The following SH3GL3 variants were observed in gnomAD, a reference collection of about 807,000 sequenced individuals.
SH3GL3 encodes SH3 domain containing GRB2 like 3, endophilin A3.
SH3GL3 carries 33 observed loss-of-function variants against 47.7 expected under a neutral mutation model. The ratio of observed to expected loss-of-function variants is 0.69; its 90% CI spans 0.52 to 0.92. The LOEUF is 0.92. Ranked by LOEUF, SH3GL3 falls within the 40% of genes least tolerant of loss-of-function variation. The probability of loss-of-function intolerance (pLI) is 0.00; values close to 1 mark genes in which losing one functional copy is unlikely to be tolerated. For missense variants in SH3GL3, 363 were observed against 417.8 expected (o/e 0.87, Z 1.14); for synonymous variants, 155 against 148.8 (o/e 1.04, Z -0.30).
At chr15:83,476,223 T>A (rs2041089562) in intron 1 of SH3GL3, among the ~76,000 whole-genome samples, 2 of 152,202 alleles carry the variant, frequency 1.3e-5, no homozygotes, top group Admixed American at 6.5e-5. Flanking sequence ...CTGAAGTTTA[T>A]ACAGTTGGAA....
rs777243734 is a variant in SH3GL3, at chr15:83,565,191, C to A, written c.172C>A (p.Leu58Ile). 1.9e-6 allele frequency: 3 copies of A among 1,576,932 alleles called. No homozygotes were observed. The highest frequency in any genetic ancestry group is 2.6e-6 in the Non-Finnish European group (3 of 1,149,090). ...AATTCTTTCAAAAACCACTGAATAT[C>A]TTCAGCCAAATCCAGGTAAAGTTGA... ...AEILSKTTEY[L>I]QPNPAYRAKL... The change falls in exon 3 of 9, where the codon CTT (leucine) becomes ATT (isoleucine). Residue 58 changes from leucine to isoleucine, a missense_variant. Transcript: ENST00000427482.
chr15:83,528,083 A>C, intron 1 of SH3GL3, among the ~76,000 whole-genome samples: 1 of 152,136 alleles, frequency 6.6e-6, no homozygotes, highest in East Asian at 1.9e-4. Context: ...TTTGGCTGTC[A>C]GCTTTTTTCT....
chr15:83,628,360 A>G, the SH3GL3 span, among the ~76,000 whole-genome samples: 1 of 152,268 alleles, frequency 6.6e-6, no homozygotes, highest in South Asian at 2.1e-4. Context: ...AAAAAGGACT[A>G]TATATAAGAC....
intron 4 of SH3GL3, among the ~76,000 whole-genome samples, chr15:83,569,437 A>G (rs1264294371): frequency 6.6e-6 from 1 of 152,246 alleles, no homozygotes; most frequent in Non-Finnish European, 1.5e-5. Context: ...AACATTTTAC[A>G]TAGCATTTAC....
intron 5 of SH3GL3, among the ~76,000 whole-genome samples, chr15:83,575,870 T>C (rs1415641538): frequency 2.0e-5 from 3 of 152,088 alleles, no homozygotes; most frequent in Non-Finnish European, 2.9e-5. Context: ...TGTATAGCTA[T>C]CCCACTCAGC....
downstream of SH3GL3, among the ~76,000 whole-genome samples, chr15:83,620,795 T>C (rs959757719): frequency 3.3e-5 from 5 of 152,364 alleles, no homozygotes; most frequent in Non-Finnish European, 5.9e-5. Flanking sequence ...CTTTGAAGCA[T>C]TGAAGCCAGA....
chr15:83,535,194 G>A (rs939203143), intron 1 of SH3GL3, among the ~76,000 whole-genome samples: 4 of 151,408 alleles, frequency 2.6e-5, no homozygotes, highest in Admixed American at 6.6e-5. Context: ...AAAAACTCAG[G>A]TATATTATTT....
intron 7 of SH3GL3, among the ~76,000 whole-genome samples, chr15:83,587,572 C>G (rs569236927): frequency 2.8e-5 from 4 of 144,270 alleles, no homozygotes; most frequent in African/African-American, 1.0e-4. Flanking sequence ...TTCACCAGTA[C>G]GAATTTCAGG....
At chr15:83,566,346 C>CAGAGAGAGAGAG (rs147698292) in intron 3 of SH3GL3, among the ~76,000 whole-genome samples, 1 of 134,290 alleles carries the variant, frequency 7.4e-6, no homozygotes, top group African/African-American at 2.8e-5. Flanking sequence ...GAAAGATGGG[C>CAGAGAGAGAGAG]AGAGAGAGAG....
At chr15:83,563,548 A>G (rs1312722206) in intron 2 of SH3GL3, among the ~76,000 whole-genome samples, 1 of 152,200 alleles carries the variant, frequency 6.6e-6, no homozygotes, top group East Asian at 1.9e-4. Flanking sequence ...AAATGTTTTT[A>G]TCAATCTGGA....
intron 8 of SH3GL3, among the ~76,000 whole-genome samples, chr15:83,613,116 G>A (rs953360119): frequency 2.0e-5 from 3 of 152,188 alleles, no homozygotes; most frequent in Non-Finnish European, 4.4e-5. Context: ...AATATCGTCC[G>A]GCTGCATGTA....
chr15:83,591,962 CA>C (rs753499862), intron 8 of SH3GL3, among the ~76,000 whole-genome samples: 60 of 152,154 alleles, frequency 3.9e-4, no homozygotes, highest in Non-Finnish European at 7.6e-4. Flanking sequence ...TGTGAGCCAC[CA>C]GGCCGGGCCA....
chr15:83,504,386 C>A (rs1056530034), intron 1 of SH3GL3, among the ~76,000 whole-genome samples: 1 of 152,210 alleles, frequency 6.6e-6, no homozygotes, highest in Non-Finnish European at 1.5e-5. Context: ...TCCTTCTGGT[C>A]TTCATACCCA....
At chr15:83,573,464 C>T (rs985770894) in intron 5 of SH3GL3, among the ~76,000 whole-genome samples, 4 of 152,246 alleles carry the variant, frequency 2.6e-5, no homozygotes. Context: ...CATCCCTTAT[C>T]TCCTGAATCA....
intron 1 of SH3GL3, among the ~76,000 whole-genome samples, chr15:83,538,949 A>G (rs1394236775): frequency 1.3e-5 from 2 of 152,192 alleles, no homozygotes; most frequent in Non-Finnish European, 2.9e-5. Context: ...TTTATAAAAT[A>G]GTTGCACCAA....
At chr15:83,627,049 A>G in the SH3GL3 span, among the ~76,000 whole-genome samples, 1 of 152,176 alleles carries the variant, frequency 6.6e-6, no homozygotes, top group Admixed American at 6.5e-5. Context: ...ATCAGTCCTG[A>G]AGATGCAGAT....
intron 1 of SH3GL3, chr15:83,490,834 A>G (rs769818551): frequency 1.9e-6 from 3 of 1,614,188 alleles, no homozygotes; most frequent in Non-Finnish European, 2.5e-6. Context: ...AGATGAATGA[A>G]TGGATGGAAT....
chr15:83,565,038 G>A (rs2045467620), intron 2 of SH3GL3, 96 bp from the exon 3 acceptor site: 6 of 579,422 alleles, frequency 1.0e-5, no homozygotes, highest in Non-Finnish European at 1.8e-5. Context: ...AATCGTGTTA[G>A]AAGAATTAAA....
At chr15:83,612,143 C>T (rs563841235) in intron 8 of SH3GL3, among the ~76,000 whole-genome samples, 12 of 152,270 alleles carry the variant, frequency 7.9e-5, no homozygotes, top group East Asian at 1.9e-4. Context: ...ATGACTTAGG[C>T]GATTCCAGAT....
Sources: allele counts gnomAD v4.1 joint callset (sites outside exome capture counted in the v4.1 genomes callset), GRCh38; gene constraint gnomAD v4.1.1; transcripts MANE v1.5; gene names NCBI Gene and HGNC (gene_info 2026-07-23, HGNC 2026-07-21).